The following PTPRG variants were observed in gnomAD, a reference collection of about 807,000 sequenced individuals.
The protein encoded by PTPRG is protein tyrosine phosphatase receptor type G.
Under a neutral mutation model 165.3 loss-of-function variants are expected in PTPRG, and 102 were observed. The ratio of observed to expected loss-of-function variants is 0.62; its 90% CI spans 0.53 to 0.73. The LOEUF is 0.73. PTPRG is among the 30% of genes least tolerant of loss of function. The pLI is 0.00. For synonymous variants in PTPRG, 675 were observed against 669.5 expected, an observed-to-expected ratio of 1.01 and a Z score of -0.13; for missense variants, 1,866 against 1,861.4, an observed-to-expected ratio of 1.00 and a Z score of -0.05.
intron 2 of PTPRG, among the ~76,000 whole-genome samples, chr3:61,798,661 T>A (rs1411445040): frequency 2.0e-5 from 3 of 150,270 alleles, no homozygotes; most frequent in Non-Finnish European, 1.5e-5. Context: ...TTATTTTGAA[T>A]CTTTTCACTT....
rs181120887 is a variant in PTPRG at position 62,099,142 on chromosome 3, C to G, written c.615+20884C>G. On this transcript the variant is annotated intron_variant, in intron 5 of 29. Transcript: ENST00000474889. ...CACCACTGGCACTAAAAGTGGGGCT[C>G]TTGTCCAGGATTTGATGGTATGAGG... Among the ~76,000 whole-genome samples the G allele has an allele frequency of 3.5e-4, 54 of 152,252 alleles. No homozygotes were observed. The East Asian group carries it at 6.9e-3, about 20-fold the overall frequency.
At chr3:61,625,401 T>C (rs976094346) in intron 1 of PTPRG, among the ~76,000 whole-genome samples, 2 of 152,172 alleles carry the variant, frequency 1.3e-5, no homozygotes, top group African/African-American at 4.8e-5. Flanking sequence ...GACTTTTAAC[T>C]TTCATCTCTT....
At chr3:61,817,291 AT>A (rs60676740) in intron 2 of PTPRG, among the ~76,000 whole-genome samples, 2 of 142,192 alleles carry the variant, frequency 1.4e-5, no homozygotes, top group African/African-American at 5.3e-5. Context: ...AATCACTGAA[AT>A]TTTTTTTTAA....
chr3:61,881,637 C>T (rs547773495), intron 2 of PTPRG, among the ~76,000 whole-genome samples: 1 of 152,294 alleles, frequency 6.6e-6, no homozygotes, highest in South Asian at 2.1e-4. Context: ...ATGAAGTTGA[C>T]TAGATTTATT....
At chr3:61,617,553 T>A (rs1701330827) in intron 1 of PTPRG, among the ~76,000 whole-genome samples, 1 of 152,214 alleles carries the variant, frequency 6.6e-6, no homozygotes, top group African/African-American at 2.4e-5. Flanking sequence ...CCTGATTAGC[T>A]ATATAAAACC....
At position 62,192,393 on chromosome 3, in the gene PTPRG, C is replaced by CTTTTTTTTTTTTTT. The variant is rs71123255; in HGVS notation, c.1218+760_1218+773dup. 7.6e-5 allele frequency among the ~76,000 whole-genome samples: 4 copies of CTTTTTTTTTTTTTT among 52,594 alleles called. 1 individual carries two copies. The highest frequency in any genetic ancestry group is 1.1e-4 in the Non-Finnish European group (3 of 27,416). The allele number at this position is 52,594 out of a possible 152,430, so 34.5% of individuals were successfully genotyped here. A position where few individuals can be genotyped will look rare whatever the true frequency, so the allele number is the denominator to read the frequency against. On this transcript the variant is annotated intron_variant, in intron 9 of 29. Coordinates refer to ENST00000474889, the MANE Select transcript of PTPRG (RefSeq NM_002841.4). ...ATAAAGCAAACTCCACAACTACTGTCTTTTTTTTTTTTTTTTTTTTTTTTT... is the reference window on the plus strand; with the variant it reads ...ATAAAGCAAACTCCACAACTACTGTCTTTTTTTTTTTTTTTTTTTTTTTTTTTTTTTTTTTTTTT...
intron 2 of PTPRG, chr3:61,750,630 A>G (rs2033389683): frequency 6.6e-6 from 1 of 152,234 alleles, no homozygotes; most frequent in Admixed American, 6.5e-5. Flanking sequence ...GGTAACAAAC[A>G]TCAAAAGCCA....
chr3:61,588,779 A>G (rs981538829), intron 1 of PTPRG, among the ~76,000 whole-genome samples: 2 of 152,186 alleles, frequency 1.3e-5, no homozygotes, highest in African/African-American at 2.4e-5. Context: ...ACATTCATAT[A>G]TATGAAAAAA....
chr3:61,572,584 T>C (rs1700082182), intron 1 of PTPRG, among the ~76,000 whole-genome samples: 1 of 152,210 alleles, frequency 6.6e-6, no homozygotes, highest in African/African-American at 2.4e-5. Flanking sequence ...ATTCATGCCA[T>C]CAACAAGTTT....
rs1052017172 is a variant in PTPRG at position 62,240,173 on chromosome 3, C to T, written c.2376-3634C>T. On this transcript the variant is annotated intron_variant, in intron 14 of 29. Coordinates refer to ENST00000474889, the MANE Select transcript of PTPRG (RefSeq NM_002841.4). The surrounding 1 kb of genome is among the most constrained non-coding windows in gnomAD (Gnocchi z 5.1). ...AGGAGAGATGCATATAGAATGATCT[C>T]ATTTCGTTTTTTAAAAATAAAACCC... is the stretch of plus-strand genomic sequence containing the variant. Among the ~76,000 whole-genome samples, 11 of 152,120 alleles carry T rather than the reference C, an allele frequency of 7.2e-5. No individual in the cohort carries two copies. Among genetic ancestry groups the T allele is most frequent in the African/African-American group, 2.7e-4 (11 of 41,418 alleles).
At chr3:61,876,823 GT>G (rs1279116264) in intron 2 of PTPRG, among the ~76,000 whole-genome samples, 2 of 151,918 alleles carry the variant, frequency 1.3e-5, no homozygotes, top group Admixed American at 6.6e-5. Flanking sequence ...AGTAATTCAT[GT>G]TTTTTTCCCA....
At chr3:61,918,849 T>C (rs1298816546) in intron 2 of PTPRG, among the ~76,000 whole-genome samples, 1 of 152,196 alleles carries the variant, frequency 6.6e-6, no homozygotes, top group Non-Finnish European at 1.5e-5. Context: ...CAACTTATCC[T>C]TATTGATTTG....
At chr3:62,122,258 T>G (rs1264323070) in intron 5 of PTPRG, among the ~76,000 whole-genome samples, 1 of 152,142 alleles carries the variant, frequency 6.6e-6, no homozygotes, top group Non-Finnish European at 1.5e-5. Context: ...AATGTTTAGG[T>G]GAGTTAGCAG....
At chr3:61,982,313 G>A (rs1185432361) in intron 2 of PTPRG, among the ~76,000 whole-genome samples, 3 of 152,122 alleles carry the variant, frequency 2.0e-5, no homozygotes, top group Admixed American at 1.3e-4. Context: ...ATGAGAAGCA[G>A]GAATAAAGCT....
chr3:62,080,043 G>A (rs189014131), intron 5 of PTPRG, among the ~76,000 whole-genome samples: 1 of 148,438 alleles, frequency 6.7e-6, no homozygotes, highest in East Asian at 2.0e-4. Context: ...CTTGAGTTCT[G>A]TCTGGACCCC....
chr3:61,966,945 C>G (rs568726145), intron 2 of PTPRG, among the ~76,000 whole-genome samples: 1 of 152,344 alleles, frequency 6.6e-6, no homozygotes, highest in African/African-American at 2.4e-5. Flanking sequence ...TGCCATAAAA[C>G]TTAAAGTTGG....
At chr3:62,120,806 T>C (rs1050249848) in intron 5 of PTPRG, among the ~76,000 whole-genome samples, 1 of 151,826 alleles carries the variant, frequency 6.6e-6, no homozygotes, top group African/African-American at 2.4e-5. Flanking sequence ...TAGACGATTG[T>C]GATTGACTGA....
chr3:61,675,660 T>C (rs1051372395), intron 1 of PTPRG, among the ~76,000 whole-genome samples: 37 of 152,324 alleles, frequency 2.4e-4, no homozygotes, highest in African/African-American at 8.2e-4. Context: ...ATTGATATGG[T>C]ATTTGATGTT....
At chr3:62,199,398 C>G (rs968166201) in intron 10 of PTPRG, among the ~76,000 whole-genome samples, 1 of 152,124 alleles carries the variant, frequency 6.6e-6, no homozygotes, top group South Asian at 2.1e-4. Context: ...GGAGTGCCAT[C>G]AGTGGGAAAT....
Sources: allele counts gnomAD v4.1 joint callset (sites outside exome capture counted in the v4.1 genomes callset), GRCh38; gene constraint gnomAD v4.1.1; non-coding constraint Gnocchi (gnomAD v3.1); transcripts MANE v1.5; gene names NCBI Gene and HGNC (gene_info 2026-07-23, HGNC 2026-07-21).